The following ROBO3 variants were observed in gnomAD, a reference collection of about 807,000 sequenced individuals.
ROBO3 encodes roundabout guidance receptor 3, also known as roundabout homolog 3.
ROBO3 carries 97 observed loss-of-function variants against 160.5 expected under a neutral mutation model. The observed-to-expected ratio is 0.60, with a 90% CI of 0.51 to 0.72. The LOEUF is 0.72. Among genes scored for constraint, ROBO3 ranks in the 30% least tolerant of loss-of-function variants. The pLI, the probability that ROBO3 is intolerant of heterozygous loss-of-function variation, is 0.00. For missense variants in ROBO3, 1,858 were observed against 1,846.5 expected, an observed-to-expected ratio of 1.01 and a Z score of -0.11; for synonymous variants, 780 against 746.2, an observed-to-expected ratio of 1.05 and a Z score of -0.74.
At position 124,873,077 on chromosome 11, in the gene ROBO3, C is replaced by T. The variant is rs1462471172; in HGVS notation, c.1524C>T (p.Ile508=). The change falls in exon 9 of 28, where the codon ATC becomes ATT. Residue 508 remains isoleucine, a synonymous_variant. Coordinates refer to ENST00000397801, the MANE Select transcript of ROBO3 (RefSeq NM_022370.4). The surrounding 1 kb of genome is among the most constrained non-coding windows in gnomAD (Gnocchi z 4.5). ...CAATGGCCAACGGTACCCTGTACAT[C>T]GCCAATGTGCAGGTGAGTGTCACCC... is the stretch of plus-strand genomic sequence containing the variant. The part of the protein sequence containing the change: ...FKTMANGTLY[I]ANVQEMDMGF... 13 of 1,613,112 alleles carry T rather than the reference C, an allele frequency of 8.1e-6. No homozygotes were observed. Among genetic ancestry groups the T allele is most frequent in the South Asian group, 3.3e-5 (3 of 90,980 alleles).
chr11:124,867,892 T>G (rs1946222076), intron 1 of ROBO3, among the ~76,000 whole-genome samples: 1 of 152,134 alleles, frequency 6.6e-6, no homozygotes, highest in Non-Finnish European at 1.5e-5. Context: ...CGCCACGGGT[T>G]ACAAATCCAC....
rs1261409496 is a variant in ROBO3 at position 124,878,274 on chromosome 11, G to A, written c.3182-24G>A. The A allele has an allele frequency of 1.9e-6, 3 of 1,610,732 alleles. No homozygotes were observed. Among genetic ancestry groups the A allele is most frequent in the South Asian group, 2.2e-5 (2 of 90,296 alleles). On this transcript the variant is annotated intron_variant, in intron 21 of 27. Coordinates refer to ENST00000397801, the MANE Select transcript of ROBO3 (RefSeq NM_022370.4). This position sits in a 1 kb window ranked among gnomAD's most constrained non-coding sequence, Gnocchi z 4.3. The stretch of plus-strand genomic sequence containing the variant: ...TGGCTCTTTCCTGCCTGTTCTCCGG[G>A]TGTCCCCATCCTATTCTCCTCAGGA...
chr11:124,879,154 G>C, intron 23 of ROBO3, 36 bp from the exon 24 acceptor site: 1 of 1,541,668 alleles, frequency 6.5e-7, no homozygotes, highest in South Asian at 1.2e-5. Context: ...CAGTTTTTGT[G>C]GAGGGAACAG....
Position 124,870,678 on chromosome 11 carries a change from CGGA to C in ROBO3, c.985_987del (p.Glu329del). On this transcript the variant is annotated inframe_deletion, in exon 6 of 28. Transcript: ENST00000397801. ...GATGAGGGAACGTACACCTGTGTGG[CGGA>C]GAACAGTGTGGGCCGCGCTGAAGCA... The C allele has an allele frequency of 6.2e-7, 1 of 1,612,868 alleles. No homozygotes were observed. Among genetic ancestry groups the C allele is most frequent in the Non-Finnish European group, 8.5e-7 (1 of 1,179,550 alleles).
chr11:124,865,486 G>C lies in ROBO3; in HGVS notation c.-92G>C. On this transcript the variant is annotated 5_prime_UTR_variant, in exon 1 of 28. Coordinates refer to ENST00000397801, the MANE Select transcript of ROBO3 (RefSeq NM_022370.4). This position sits in a 1 kb window ranked among gnomAD's most constrained non-coding sequence, Gnocchi z 5.5. ...ACCGTGGCTGCCGCAGCGCGCAGAG[G>C]CTGTGGAGGGGCTTACGGCTCCCAG... The C allele has an allele frequency of 7.4e-7, 1 of 1,348,376 alleles. No individual in the cohort carries two copies. The highest frequency in any genetic ancestry group is 1.4e-5 in the African/African-American group (1 of 69,010). The allele number at this position is 1,348,376 out of a possible 1,614,324, so 83.5% of individuals were successfully genotyped here.
In ROBO3 at chr11:124,868,963, C is replaced by G. The variant is rs373021678; in HGVS notation, c.322C>G (p.Arg108Gly). ...YKNGARVATV[R>G]EDPRAHRLLL... ...GAACGGGGCGCGTGTGGCCACTGTG[C>G]GGGAGGATCCGCGTGCGCACCGCCT... Residue 108 changes from arginine (R) to glycine (G), a missense_variant, in exon 2 of 28, where the codon CGG (arginine) becomes GGG (glycine). Physicochemically the swap from Arg to Gly is moderately radical, Grantham distance 125 (BLOSUM62 -2). Transcript: ENST00000397801. 6.2e-7 allele frequency: 1 copy of G among 1,604,272 alleles called. No homozygotes were observed. The highest frequency in any genetic ancestry group is 1.1e-5 in the South Asian group (1 of 89,514).
At position 124,873,596 on chromosome 11, in the gene ROBO3, C is replaced by A; in HGVS notation, c.1619-101C>A. 8.5e-7 allele frequency: 1 copy of A among 1,177,016 alleles called. No homozygotes were observed. Among genetic ancestry groups the A allele is most frequent in the Non-Finnish European group, 1.2e-6 (1 of 837,586 alleles). 72.9% of individuals were successfully genotyped at this position (1,177,016 alleles called of 1,614,324 possible). ...ATATACTATAGCCCACTCTGACCAT[C>A]ACCGCAGCTCAGAGCTCCATAGCTC... On this transcript the variant is annotated intron_variant, in intron 10 of 27. Transcript: ENST00000397801. The surrounding 1 kb of genome is among the most constrained non-coding windows in gnomAD (Gnocchi z 4.5).
Position 124,877,963 on chromosome 11 carries a change from C to T in ROBO3, c.3013C>T (p.Gln1005Ter), listed in dbSNP as rs1185674076. The change falls in exon 21 of 28, where the codon CAG becomes TAG. Residue 1005 changes from glutamine (Q) to a stop codon, truncating the protein, a stop_gained. Transcript: ENST00000397801. LOFTEE classifies it high-confidence loss of function. Reference protein sequence around the residue: ...NEAGISLYLAQTARGTAAPGE... With the variant: ...NEAGISLYLA ...AGCGGGAATCTCCCTGTATCTAGCT[C>T]AGACGGCCAGGGGCACGGCCGCCCC... 1 of 1,609,008 alleles carries T rather than the reference C, an allele frequency of 6.2e-7. No homozygotes were observed. Among genetic ancestry groups the T allele is most frequent in the Admixed American group, 1.7e-5 (1 of 59,374 alleles).
At position 124,872,482 on chromosome 11, in the gene ROBO3, GTAC is replaced by G. The variant is rs746935792; in HGVS notation, c.1264_1266del (p.Tyr422del). 2 of 1,613,970 alleles carry G rather than the reference GTAC, an allele frequency of 1.2e-6. No individual in the cohort carries two copies. Among genetic ancestry groups the G allele is most frequent in the South Asian group, 2.2e-5 (2 of 91,076 alleles). On this transcript the variant is annotated inframe_deletion, in exon 8 of 28. Transcript: ENST00000397801. The surrounding 1 kb of genome is among the most constrained non-coding windows in gnomAD (Gnocchi z 4.3). Reference sequence around the variant, plus strand: ...CCGCGGTGCAGCGTGGGGATGCTGGGTACTACGTGTGCCAGGCTGTCAGTGTGG... The same window carrying G: ...CCGCGGTGCAGCGTGGGGATGCTGGGTACGTGTGCCAGGCTGTCAGTGTGG...
rs767373688 is a variant in ROBO3, at chr11:124,876,156, C to T, written c.2593+31C>T. On this transcript the variant is annotated intron_variant, in intron 16 of 27. Coordinates refer to ENST00000397801, the MANE Select transcript of ROBO3 (RefSeq NM_022370.4). This position sits in a 1 kb window ranked among gnomAD's most constrained non-coding sequence, Gnocchi z 5.3. Reference sequence around the variant, plus strand: ...TCCACCCGAGGGCAGTGCTGAGGATCTTGACGGGGGCGGGGCAAGCCCCCC... The same window carrying T: ...TCCACCCGAGGGCAGTGCTGAGGATTTTGACGGGGGCGGGGCAAGCCCCCC... 1.3e-6 allele frequency: 2 copies of T among 1,570,586 alleles called. No homozygotes were observed. Among genetic ancestry groups the T allele is most frequent in the East Asian group, 4.5e-5 (2 of 44,402 alleles).
chr11:124,868,442 G>A, intron 1 of ROBO3: 1 of 570,994 alleles, frequency 1.8e-6, no homozygotes, highest in Non-Finnish European at 3.1e-6. Flanking sequence ...GGAAACCACT[G>A]GGCAGGAGGC....
chr11:124,879,311 C>G lies in ROBO3; in HGVS notation c.3655C>G (p.Pro1219Ala), dbSNP rs1379420447. ...PAASPHLSPS[P>A]APSTASSAPG... ...AGCCTCACCCCACCTCAGCCCCAGT[C>G]CTGCCCCTAGCACAGCCAGCAGTGC... Residue 1219 changes from proline (P) to alanine (A), a missense_variant, in exon 24 of 28, where the codon CCT becomes GCT. Coordinates refer to ENST00000397801, the MANE Select transcript of ROBO3 (RefSeq NM_022370.4). 6.2e-7 allele frequency: 1 copy of G among 1,608,898 alleles called. No homozygotes were observed. The highest frequency in any genetic ancestry group is 1.7e-5 in the Admixed American group (1 of 59,518).
chr11:124,877,446 A>T, intron 19 of ROBO3, 73 bp from the exon 20 acceptor site: 2 of 1,598,160 alleles, frequency 1.3e-6, no homozygotes, highest in Admixed American at 3.4e-5. Flanking sequence ...AAACTCCCGA[A>T]TATCGCCACC....
chr11:124,875,809 T>C, intron 15 of ROBO3, 124 bp downstream of exon 15: 2 of 1,452,698 alleles, frequency 1.4e-6, no homozygotes, highest in Non-Finnish European at 1.9e-6. Context: ...GGGATGAGTT[T>C]AGGGGAGAAG....
chr11:124,876,067 C>A lies in ROBO3; in HGVS notation c.2535C>A (p.Val845=). 6.2e-7 allele frequency: 1 copy of A among 1,609,784 alleles called. No individual in the cohort carries two copies. The highest frequency in any genetic ancestry group is 1.1e-5 in the South Asian group (1 of 90,286). ...LVPGLLYRTL[V]AAATSAGVGV... Reference sequence around the variant, plus strand: ...CCGGTCTCCTCTATCGAACCCTGGTCGCGGCGGCCACCAGCGCAGGCGTGG... The same window carrying A: ...CCGGTCTCCTCTATCGAACCCTGGTAGCGGCGGCCACCAGCGCAGGCGTGG... Residue 845 remains valine (V), a synonymous_variant, in exon 16 of 28, where the codon GTC becomes GTA. Transcript: ENST00000397801. This position sits in a 1 kb window ranked among gnomAD's most constrained non-coding sequence, Gnocchi z 5.3.
chr11:124,879,995 G>A (rs1482989669), intron 26 of ROBO3, 47 bp downstream of exon 26: 24 of 1,499,206 alleles, frequency 1.6e-5, no homozygotes, highest in Non-Finnish European at 2.1e-5. Context: ...ACAGGAGACT[G>A]TGGGCTTTGG....
chr11:124,869,429 G>GCGCCCCCC lies in ROBO3; in HGVS notation c.488-20_488-19insGCCCCCCC. 1 of 1,295,764 alleles carries GCGCCCCCC rather than the reference G, an allele frequency of 7.7e-7. No homozygotes were observed. Among genetic ancestry groups the GCGCCCCCC allele is most frequent in the Non-Finnish European group, 1.1e-6 (1 of 929,942 alleles). The allele number at this position is 1,295,764 out of a possible 1,614,324, so 80.3% of individuals were successfully genotyped here. The stretch of plus-strand genomic sequence containing the variant: ...TGTCACTCTACACCCTGCTTATTTC[G>GCGCCCCCC]CCCCCCACCGCCCCGCCCAGTCCTC... On this transcript the variant is annotated intron_variant, in intron 2 of 27. Transcript: ENST00000397801. This position sits in a 1 kb window ranked among gnomAD's most constrained non-coding sequence, Gnocchi z 4.2.
At chr11:124,867,479 T>C (rs1463122180) in intron 1 of ROBO3, among the ~76,000 whole-genome samples, 1 of 152,164 alleles carries the variant, frequency 6.6e-6, no homozygotes, top group South Asian at 2.1e-4. Flanking sequence ...CACTCCAGTG[T>C]TGCTCACCAC....
In ROBO3 at chr11:124,871,043, G is replaced by C. The variant is rs1946274570; in HGVS notation, c.1063G>C (p.Asp355His). ...VPPQLVTQPQ[D>H]QMAAPGESVA... ...ACCCCAGTTGGTGACCCAGCCCCAG[G>C]ACCAGATGGCAGCTCCTGGAGAGAG... Residue 355 changes from aspartate (D) to histidine (H), a missense_variant, in exon 7 of 28, where the codon GAC becomes CAC. By Grantham distance (81) the Asp-to-His change is moderately conservative (BLOSUM62 -1). Transcript: ENST00000397801. 1.9e-6 allele frequency: 3 copies of C among 1,609,962 alleles called. No individual in the cohort carries two copies. The East Asian group carries it at 6.7e-5, about 36-fold the overall frequency.
Sources: gnomAD v4.1 joint callset for allele counts (sites outside exome capture counted in the v4.1 genomes callset) on GRCh38, gnomAD v4.1.1 for gene constraint, Gnocchi (gnomAD v3.1) non-coding constraint, MANE v1.5 for transcripts, NCBI Gene and HGNC (gene_info 2026-07-23, HGNC 2026-07-21) for gene names.